FYB1: variants seen among roughly 807,000 people sequenced by gnomAD.
FYB1 encodes FYN-binding protein 1.
FYB1 carries 41 observed loss-of-function variants against 94.1 expected under a neutral mutation model. The ratio of observed to expected loss-of-function variants is 0.44; its 90% CI spans 0.34 to 0.57. FYB1 has a LOEUF of 0.57. FYB1 is among the 20% of genes least tolerant of loss of function. The pLI, the probability that FYB1 is intolerant of heterozygous loss-of-function variation, is 0.02. For synonymous variants in FYB1, 367 were observed against 353.2 expected (o/e 1.04, Z -0.44); for missense variants, 1,050 against 976.8 (o/e 1.07, Z -1.00).
At chr5:39,116,746 A>G (rs79793544) in intron 16 of FYB1, among the ~76,000 whole-genome samples, 2,143 of 152,220 alleles carry the variant, frequency 0.014, 58 homozygotes, top group African/African-American at 0.049. Context: ...GTGAAGATCT[A>G]TGCTGATCCA....
At chr5:39,137,494 GAATAAGT>G in intron 7 of FYB1, 99 bp downstream of exon 7, 1 of 1,286,044 alleles carries the variant, frequency 7.8e-7, no homozygotes, top group Non-Finnish European at 1.1e-6. Context: ...AGAGAATAAT[GAATAAGT>G]AATTCTTCAA....
At chr5:39,214,031 G>C (rs575782111) in intron 1 of FYB1, among the ~76,000 whole-genome samples, 56 of 152,130 alleles carry the variant, frequency 3.7e-4, no homozygotes, top group Non-Finnish European at 6.8e-4. Flanking sequence ...TCTTTCGTTA[G>C]TTCAAAGAAC....
intron 10 of FYB1, 47 bp downstream of exon 10, chr5:39,130,543 T>A: frequency 6.9e-7 from 1 of 1,439,634 alleles, no homozygotes; most frequent in Non-Finnish European, 9.6e-7. Context: ...TACATGCCAA[T>A]ATATGTATCA....
At chr5:39,270,021 T>C (rs537864411) in intron 1 of FYB1, among the ~76,000 whole-genome samples, 1 of 152,290 alleles carries the variant, frequency 6.6e-6, no homozygotes, top group Admixed American at 6.5e-5. Flanking sequence ...TTAAGTATGC[T>C]CCAAATAATG....
At chr5:39,126,587 C>T (rs1740689734) in intron 11 of FYB1, among the ~76,000 whole-genome samples, 1 of 150,100 alleles carries the variant, frequency 6.7e-6, no homozygotes, top group Non-Finnish European at 1.5e-5. Context: ...GTCCCAGCTG[C>T]TCAGAGGCTG....
At chr5:39,136,624 G>C (rs112945178) in intron 7 of FYB1, among the ~76,000 whole-genome samples, 1 of 152,028 alleles carries the variant, frequency 6.6e-6, no homozygotes, top group African/African-American at 2.4e-5. Flanking sequence ...AAGAATCAGC[G>C]GCTCAGAGAA....
At chr5:39,231,372 G>A (rs1378875490) in intron 1 of FYB1, among the ~76,000 whole-genome samples, 2 of 152,018 alleles carry the variant, frequency 1.3e-5, no homozygotes, top group Non-Finnish European at 2.9e-5. Context: ...CTCTCTAAAT[G>A]TACTGAGTAC....
chr5:39,130,696 T>TTCTCTTTTGAATAA, intron 9 of FYB1, 84 bp from the exon 10 acceptor site: 1 of 1,071,498 alleles, frequency 9.3e-7, no homozygotes, highest in Non-Finnish European at 1.4e-6. Flanking sequence ...GATTAGTTAT[T>TTCTCTTTTGAATAA]CAAAAGAGAA....
At chr5:39,241,403 G>A (rs1378243295) in intron 1 of FYB1, among the ~76,000 whole-genome samples, 1 of 152,094 alleles carries the variant, frequency 6.6e-6, no homozygotes, top group Non-Finnish European at 1.5e-5. Flanking sequence ...ATGTAGAGGG[G>A]GACATAAGCT....
intron 2 of FYB1, among the ~76,000 whole-genome samples, chr5:39,168,814 CT>C (rs1744980955): frequency 1.3e-5 from 2 of 151,476 alleles, no homozygotes; most frequent in Non-Finnish European, 2.9e-5. Flanking sequence ...TTCCTTTTTT[CT>C]TTTTTTAATC....
chr5:39,173,798 C>A (rs556819114), intron 2 of FYB1, among the ~76,000 whole-genome samples: 3 of 152,228 alleles, frequency 2.0e-5, no homozygotes, highest in South Asian at 4.2e-4. Context: ...TTCAGCTGGT[C>A]TATATGTCTG....
intron 2 of FYB1, among the ~76,000 whole-genome samples, chr5:39,182,520 G>A (rs1201509495): frequency 6.6e-6 from 1 of 152,132 alleles, no homozygotes; most frequent in Non-Finnish European, 1.5e-5. Context: ...AAAAGACTCA[G>A]GTCATGCACA....
At chr5:39,240,097 G>A (rs974172179) in intron 1 of FYB1, among the ~76,000 whole-genome samples, 1 of 152,148 alleles carries the variant, frequency 6.6e-6, no homozygotes, top group South Asian at 2.1e-4. Flanking sequence ...TTCATAAATG[G>A]TGCTGGGATA....
intron 2 of FYB1, among the ~76,000 whole-genome samples, chr5:39,160,870 T>A (rs1744184046): frequency 6.6e-6 from 1 of 152,218 alleles, no homozygotes; most frequent in Non-Finnish European, 1.5e-5. Context: ...TGCAGAGAGA[T>A]TGGGATCATC....
chr5:39,196,815 T>C (rs1229280256), intron 2 of FYB1, among the ~76,000 whole-genome samples: 3 of 152,226 alleles, frequency 2.0e-5, no homozygotes, highest in East Asian at 3.8e-4. Flanking sequence ...AGACATGAGA[T>C]TGACCCCAGC....
intron 3 of FYB1, among the ~76,000 whole-genome samples, chr5:39,148,485 A>T (rs1408375830): frequency 7.1e-6 from 1 of 140,700 alleles, no homozygotes; most frequent in Non-Finnish European, 1.5e-5. Flanking sequence ...CTGGGAGTAA[A>T]ATCTTGCGGC....
chr5:39,171,660 G>A (rs889776848), intron 2 of FYB1, among the ~76,000 whole-genome samples: 1 of 152,102 alleles, frequency 6.6e-6, no homozygotes, highest in Non-Finnish European at 1.5e-5. Context: ...AATATTGCCT[G>A]GTATATACTA....
intron 1 of FYB1, among the ~76,000 whole-genome samples, chr5:39,265,676 G>C (rs984519992): frequency 2.6e-5 from 4 of 151,902 alleles, no homozygotes; most frequent in Non-Finnish European, 4.4e-5. Context: ...ATAAATAAAT[G>C]AATAAAAGAA....
intron 2 of FYB1, among the ~76,000 whole-genome samples, chr5:39,196,470 C>T (rs139458502): frequency 6.6e-6 from 1 of 152,162 alleles, no homozygotes; most frequent in African/African-American, 2.4e-5. Flanking sequence ...GCTGGGATTA[C>T]AGGCATGAGC....
Sources: allele counts gnomAD v4.1 joint callset (sites outside exome capture counted in the v4.1 genomes callset), GRCh38; gene constraint gnomAD v4.1.1; transcripts MANE v1.5; gene names NCBI Gene and HGNC (gene_info 2026-07-23, HGNC 2026-07-21).